Variants in TMEM232 observed in about 807,000 individuals in gnomAD.
TMEM232 encodes the protein transmembrane protein 232.
In TMEM232, 80 loss-of-function variants were observed where a neutral mutation model predicts 78.8. The observed-to-expected ratio is 1.01, with a 90% CI of 0.85 to 1.22. TMEM232 has a LOEUF of 1.22. Ranked by LOEUF, TMEM232 falls within the 50% of genes most tolerant of loss-of-function variation. The pLI, the probability that TMEM232 is intolerant of heterozygous loss-of-function variation, is 0.00. For missense variants in TMEM232, 881 were observed against 742.2 expected (o/e 1.19, Z -2.17); for synonymous variants, 297 against 254.3 (o/e 1.17, Z -1.60).
intron 2 of TMEM232, among the ~76,000 whole-genome samples, chr5:110,642,644 T>C (rs1448808179): frequency 1.3e-5 from 2 of 152,086 alleles, no homozygotes; most frequent in African/African-American, 4.8e-5. Context: ...GAAGTCTTGT[T>C]GGTATAAGCC....
intron 12 of TMEM232, among the ~76,000 whole-genome samples, chr5:110,433,555 A>G (rs1758087505): frequency 6.6e-6 from 1 of 151,846 alleles, no homozygotes. Flanking sequence ...ACCTATAAGA[A>G]CTAGAAACAT....
At chr5:110,430,501 GCTA>G (rs1270365624) in intron 12 of TMEM232, among the ~76,000 whole-genome samples, 3 of 151,572 alleles carry the variant, frequency 2.0e-5, no homozygotes, top group Non-Finnish European at 3.0e-5. Context: ...TTTCAAAAGA[GCTA>G]CTATTTCAGA....
At chr5:110,594,341 C>T (rs928399697) in intron 10 of TMEM232, among the ~76,000 whole-genome samples, 1 of 152,142 alleles carries the variant, frequency 6.6e-6, no homozygotes, top group Non-Finnish European at 1.5e-5. Context: ...TGTGCCTATA[C>T]CACCAGGGCC....
intron 1 of TMEM232, among the ~76,000 whole-genome samples, chr5:110,670,084 C>T (rs1408551263): frequency 6.6e-6 from 1 of 152,156 alleles, no homozygotes; most frequent in Non-Finnish European, 1.5e-5. Context: ...GACAGGGATG[C>T]CCTCTCTCAC....
chr5:110,621,912 C>T (rs1783800004), intron 7 of TMEM232, among the ~76,000 whole-genome samples: 1 of 152,056 alleles, frequency 6.6e-6, no homozygotes, highest in African/African-American at 2.4e-5. Context: ...ATAACAACAC[C>T]AGTTTAGATT....
chr5:110,610,868 A>G (rs1261372107), intron 8 of TMEM232, among the ~76,000 whole-genome samples: 1 of 152,162 alleles, frequency 6.6e-6, no homozygotes, highest in African/African-American at 2.4e-5. Flanking sequence ...AATGGTGATA[A>G]ATGTTATAGC....
At chr5:110,416,305 C>A (rs929057962), downstream of TMEM232, among the ~76,000 whole-genome samples, 5 of 152,160 alleles carry the variant, frequency 3.3e-5, no homozygotes, top group African/African-American at 7.2e-5. Flanking sequence ...GGCATTGGCA[C>A]AACAGTTTCA....
chr5:110,539,920 T>C (rs55746157), intron 11 of TMEM232, among the ~76,000 whole-genome samples: 11,475 of 152,184 alleles, frequency 0.075, 549 homozygotes, highest in South Asian at 0.2. Flanking sequence ...GACCTCCCCA[T>C]ACCAAGCAAC....
chr5:110,618,785 T>C (rs1783262213), intron 7 of TMEM232, among the ~76,000 whole-genome samples: 1 of 152,196 alleles, frequency 6.6e-6, no homozygotes, highest in African/African-American at 2.4e-5. Flanking sequence ...GGGTCTCTTG[T>C]GTTCAATGAT....
At chr5:110,710,096 C>G (rs751409364) in intron 1 of TMEM232, among the ~76,000 whole-genome samples, 1 of 151,662 alleles carries the variant, frequency 6.6e-6, no homozygotes, top group African/African-American at 2.4e-5. Flanking sequence ...CAATAGATAC[C>G]GCAGAAATTC....
chr5:110,480,875 G>C (rs1375663471), intron 12 of TMEM232, among the ~76,000 whole-genome samples: 1 of 152,084 alleles, frequency 6.6e-6, no homozygotes, highest in African/African-American at 2.4e-5. Flanking sequence ...GGAGTGGTCA[G>C]TAGTAACAAA....
intron 2 of TMEM232, among the ~76,000 whole-genome samples, chr5:110,405,269 C>A (rs1561458308): frequency 6.6e-6 from 1 of 152,002 alleles, no homozygotes; most frequent in Non-Finnish European, 1.5e-5. Context: ...AATGCCAGTA[C>A]CTTCCCTTAA....
chr5:110,473,035 C>A (rs1470560311), intron 12 of TMEM232, among the ~76,000 whole-genome samples: 1 of 149,968 alleles, frequency 6.7e-6, no homozygotes, highest in African/African-American at 2.4e-5. Context: ...TTGGATAAAA[C>A]CTAAAAAGCA....
chr5:110,473,828 A>G (rs946674551), intron 12 of TMEM232, among the ~76,000 whole-genome samples: 5 of 141,302 alleles, frequency 3.5e-5, no homozygotes, highest in South Asian at 2.4e-4. Flanking sequence ...AGGAAATTCT[A>G]TGATATGCAA....
At chr5:110,671,184 C>T (rs578217897) in intron 1 of TMEM232, among the ~76,000 whole-genome samples, 1 of 152,220 alleles carries the variant, frequency 6.6e-6, no homozygotes, top group East Asian at 1.9e-4. Context: ...AAATGCAAAC[C>T]AAAGCCACAA....
intron 3 of TMEM232, among the ~76,000 whole-genome samples, chr5:110,394,137 CTCTT>C (rs902629092): frequency 2.0e-5 from 3 of 152,148 alleles, no homozygotes; most frequent in Non-Finnish European, 4.4e-5. Flanking sequence ...TCATTCTACT[CTCTT>C]TCTCCATAAG....
At chr5:110,553,577 A>G (rs1451088851) in intron 11 of TMEM232, among the ~76,000 whole-genome samples, 3 of 152,190 alleles carry the variant, frequency 2.0e-5, no homozygotes, top group Non-Finnish European at 4.4e-5. Context: ...CTGATTTTGT[A>G]TCCTGAAACT....
rs1409846272 is a variant in TMEM232 at position 110,692,822 on chromosome 5, C to G, written c.-12-25458G>C. 2.0e-5 allele frequency among the ~76,000 whole-genome samples: 3 copies of G among 152,174 alleles called. No individual in the cohort carries two copies. The East Asian group carries it at 5.8e-4, about 29-fold the overall frequency. On this transcript the variant is annotated intron_variant, in intron 1 of 13. Coordinates refer to ENST00000455884, the MANE Select transcript of TMEM232 (RefSeq NM_001039763.4). Reference sequence around the variant, plus strand: ...GCCAAGAAGCTTGAACTGGGTAGAGCCCATCACAGCTCAAGGAGGCTGGCC... The same window carrying G: ...GCCAAGAAGCTTGAACTGGGTAGAGGCCATCACAGCTCAAGGAGGCTGGCC...
intron 12 of TMEM232, among the ~76,000 whole-genome samples, chr5:110,483,516 G>A (rs539344529): frequency 6.6e-5 from 10 of 151,734 alleles, no homozygotes; most frequent in African/African-American, 1.7e-4. Context: ...ACCAAACACC[G>A]CATGTTCTCA....
Sources: gnomAD v4.1 joint callset for allele counts (sites outside exome capture counted in the v4.1 genomes callset) on GRCh38, gnomAD v4.1.1 for gene constraint, MANE v1.5 for transcripts, NCBI Gene and HGNC (gene_info 2026-07-23, HGNC 2026-07-21) for gene names.